CIAO2A: variants seen among roughly 807,000 people sequenced by gnomAD.
CIAO2A encodes the protein cytosolic iron-sulfur assembly component 2A, also known as MIP18 family protein FAM96A.
In CIAO2A, 17 loss-of-function variants were observed where a neutral mutation model predicts 22.4. That is an observed-to-expected ratio of 0.76 (90% CI 0.52 to 1.14). The LOEUF (loss-of-function observed/expected upper bound fraction) is 1.14. CIAO2A is among the 50% of genes most tolerant of loss of function. The pLI, the probability that CIAO2A is intolerant of heterozygous loss-of-function variation, is 0.00. For missense variants in CIAO2A, 192 were observed against 191.4 expected (o/e 1.00, Z -0.02); for synonymous variants, 74 against 72.3 (o/e 1.02, Z -0.12).
At chr15:64,085,169 A>G (rs943123648) in intron 2 of CIAO2A, among the ~76,000 whole-genome samples, 1 of 152,248 alleles carries the variant, frequency 6.6e-6, no homozygotes, top group Non-Finnish European at 1.5e-5. Flanking sequence ...GGCTAGAAGT[A>G]GTCCAAATGG....
intron 2 of CIAO2A, among the ~76,000 whole-genome samples, chr15:64,088,369 A>G (rs1404396182): frequency 6.6e-6 from 1 of 152,174 alleles, no homozygotes; most frequent in African/African-American, 2.4e-5. Flanking sequence ...GACATAACTA[A>G]AGGAGAAGTG....
At chr15:64,087,818 C>G (rs2080809915) in intron 2 of CIAO2A, among the ~76,000 whole-genome samples, 1 of 152,046 alleles carries the variant, frequency 6.6e-6, no homozygotes, top group Non-Finnish European at 1.5e-5. Context: ...CCAGCTCCCA[C>G]CACCACTATT....
At chr15:64,085,954 C>T (rs900405162) in intron 2 of CIAO2A, among the ~76,000 whole-genome samples, 3 of 151,594 alleles carry the variant, frequency 2.0e-5, no homozygotes, top group Admixed American at 6.6e-5. Context: ...ATGATCTGCC[C>T]GCCTCGGCCT....
At chr15:64,091,694 T>A (rs1163603284) in intron 1 of CIAO2A, among the ~76,000 whole-genome samples, 1 of 152,092 alleles carries the variant, frequency 6.6e-6, no homozygotes, top group African/African-American at 2.4e-5. Context: ...ACCCTGAAAT[T>A]AAATATCATC....
chr15:64,088,689 A>G lies in CIAO2A; in HGVS notation c.287T>C (p.Ile96Thr). 1 of 1,607,374 alleles carries G rather than the reference A, an allele frequency of 6.2e-7. No homozygotes were observed. The highest frequency in any genetic ancestry group is 1.1e-5 in the South Asian group (1 of 89,628). ...CATGTATGTACAGAAAAACTTACCAATAAGAGTCGCCAAAGAGCAATGAGG... is the reference window on the plus strand; with the variant it reads ...CATGTATGTACAGAAAAACTTACCAGTAAGAGTCGCCAAAGAGCAATGAGG... ...TVPHCSLATLIGLCLRVKLQR... is the reference protein window; with the variant it reads ...TVPHCSLATLTGLCLRVKLQR... The change falls in exon 2 of 5, where the codon ATT (isoleucine) becomes ACT (threonine). Residue 96 changes from isoleucine to threonine, a missense_variant and splice_region_variant. Ile to Thr is a moderately conservative substitution (Grantham distance 89, BLOSUM62 -1). Coordinates refer to ENST00000300030, the MANE Select transcript of CIAO2A (RefSeq NM_032231.7).
chr15:64,087,421 G>T (rs2080806685), intron 2 of CIAO2A, among the ~76,000 whole-genome samples: 1 of 152,072 alleles, frequency 6.6e-6, no homozygotes, highest in East Asian at 1.9e-4. Context: ...TGGAGATGGG[G>T]TTTCACCATG....
chr15:64,075,411 C>A, intron 4 of CIAO2A, 81 bp downstream of exon 4: 2 of 875,640 alleles, frequency 2.3e-6, no homozygotes, highest in Non-Finnish European at 3.4e-6. Context: ...CCAGTAGATT[C>A]TTGGCTGGCA....
chr15:64,073,396 T>C (rs2080690389), intron 4 of CIAO2A, among the ~76,000 whole-genome samples: 1 of 152,252 alleles, frequency 6.6e-6, no homozygotes, highest in Non-Finnish European at 1.5e-5. Flanking sequence ...AAAGTAATTA[T>C]GAAGACTATG....
At chr15:64,077,855 CA>C (rs1211379470) in intron 3 of CIAO2A, among the ~76,000 whole-genome samples, 1 of 152,144 alleles carries the variant, frequency 6.6e-6, no homozygotes, top group Non-Finnish European at 1.5e-5. Context: ...GATGAGATGA[CA>C]GTACTGTATC....
rs2080685998 is a variant in CIAO2A at position 64,073,048 on chromosome 15, A to C, written c.386-20T>G. The C allele has an allele frequency of 1.3e-6, 2 of 1,539,842 alleles. No individual in the cohort carries two copies. Among genetic ancestry groups the C allele is most frequent in the African/African-American group, 2.7e-5 (2 of 73,362 alleles). ...TATTGACTGAAAAATACACAGACAA[A>C]AGTTAGCAGAAGAACTGTGTCAATA... is the stretch of plus-strand genomic sequence containing the variant. On this transcript the variant is annotated intron_variant, in intron 4 of 4. Coordinates refer to ENST00000300030, the MANE Select transcript of CIAO2A (RefSeq NM_032231.7).
At chr15:64,092,834 A>G (rs550802926) in intron 1 of CIAO2A, among the ~76,000 whole-genome samples, 1 of 152,312 alleles carries the variant, frequency 6.6e-6, no homozygotes, top group Non-Finnish European at 1.5e-5. Flanking sequence ...TCGGTTTTCA[A>G]AAACAATACA....
rs1206965332 is a variant in CIAO2A, at chr15:64,087,323, C to T, written c.289+1364G>A. Among the ~76,000 whole-genome samples, 6 of 152,012 alleles carry T rather than the reference C, an allele frequency of 3.9e-5. No homozygotes were observed. In the East Asian group the frequency reaches 9.7e-4, roughly 24 times the overall value. ...ACCCAGGATGGTCTCCATCTCCTGA[C>T]CTCGTGATCTGCCCGCCTCGGCCAC... On this transcript the variant is annotated intron_variant, in intron 2 of 4. Coordinates refer to ENST00000300030, the MANE Select transcript of CIAO2A (RefSeq NM_032231.7).
At chr15:64,078,865 G>T (rs1040524526) in intron 3 of CIAO2A, among the ~76,000 whole-genome samples, 1 of 151,988 alleles carries the variant, frequency 6.6e-6, no homozygotes, top group Non-Finnish European at 1.5e-5. Flanking sequence ...GCAACATAGT[G>T]AGACTCTGTC....
chr15:64,073,145 T>A lies in CIAO2A; in HGVS notation c.386-117A>T, dbSNP rs371149273. On this transcript the variant is annotated intron_variant, in intron 4 of 4. Transcript: ENST00000300030. Reference sequence around the variant, plus strand: ...TAACTCCTTGAGAACTTAAACCTGTTTTTGGCTAATTACTCATAATGTAAT... The same window carrying A: ...TAACTCCTTGAGAACTTAAACCTGTATTTGGCTAATTACTCATAATGTAAT... 40 of 612,938 alleles carry A rather than the reference T, an allele frequency of 6.5e-5. No homozygotes were observed. The East Asian group carries it at 1.1e-3, about 16-fold the overall frequency. 38.0% of individuals were successfully genotyped at this position (612,938 alleles called of 1,614,324 possible).
chr15:64,083,211 G>C (rs1441313682), intron 2 of CIAO2A, among the ~76,000 whole-genome samples: 1 of 151,092 alleles, frequency 6.6e-6, no homozygotes, highest in Admixed American at 6.6e-5. Context: ...AAAAATAATA[G>C]TATAAAATAT....
chr15:64,085,079 CA>C (rs1246223024), intron 2 of CIAO2A, among the ~76,000 whole-genome samples: 2 of 115,474 alleles, frequency 1.7e-5, no homozygotes, highest in African/African-American at 5.9e-5. Flanking sequence ...GACTCTGTCT[CA>C]AAAAATAAAA....
chr15:64,077,779 G>A (rs551838831), intron 3 of CIAO2A, among the ~76,000 whole-genome samples: 27 of 152,294 alleles, frequency 1.8e-4, no homozygotes, highest in Non-Finnish European at 2.8e-4. Flanking sequence ...GTATGATGGG[G>A]GAGAGGAGCA....
chr15:64,084,606 T>C (rs2080779590), intron 2 of CIAO2A, among the ~76,000 whole-genome samples: 1 of 151,334 alleles, frequency 6.6e-6, no homozygotes, highest in South Asian at 2.1e-4. Flanking sequence ...CACATCTCTA[T>C]TAAAAATACA....
intron 4 of CIAO2A, chr15:64,074,981 T>C (rs774911664): frequency 6.6e-6 from 1 of 152,178 alleles, no homozygotes; most frequent in African/African-American, 2.4e-5. Context: ...GAACATTTTG[T>C]TTTTTGCTTT....
Sources: gnomAD v4.1 joint callset for allele counts (sites outside exome capture counted in the v4.1 genomes callset) on GRCh38, gnomAD v4.1.1 for gene constraint, MANE v1.5 for transcripts, NCBI Gene and HGNC (gene_info 2026-07-23, HGNC 2026-07-21) for gene names.